The following NTM variants were observed in gnomAD, a reference collection of about 807,000 sequenced individuals.
The protein encoded by NTM is IgLON family member 2.
Under a neutral mutation model 42.1 loss-of-function variants are expected in NTM, and 13 were observed. The observed-to-expected ratio is 0.31, with a 90% confidence interval of 0.20 to 0.49. NTM has a LOEUF of 0.49. Ranked by LOEUF, NTM falls within the 20% of genes least tolerant of loss-of-function variation. The pLI is 0.99. For synonymous variants in NTM, 187 were observed against 179.2 expected (o/e 1.04, Z -0.35); for missense variants, 373 against 452.8 (o/e 0.82, Z 1.60).
At chr11:131,809,190 C>T (rs888307075) in intron 1 of NTM, among the ~76,000 whole-genome samples, 12 of 152,070 alleles carry the variant, frequency 7.9e-5, no homozygotes, top group Non-Finnish European at 1.2e-4. Context: ...TTCTTTAGTC[C>T]CTTCCAGGAT....
intron 1 of NTM, among the ~76,000 whole-genome samples, chr11:131,402,913 AG>A (rs951551586): frequency 6.6e-6 from 1 of 152,176 alleles, no homozygotes; most frequent in African/African-American, 2.4e-5. Flanking sequence ...AAGAAATTTA[AG>A]GGGTGACTTA....
chr11:131,688,059 C>T (rs2074131635), intron 1 of NTM, among the ~76,000 whole-genome samples: 1 of 152,252 alleles, frequency 6.6e-6, no homozygotes, highest in Non-Finnish European at 1.5e-5. Flanking sequence ...CTGCAGCAGG[C>T]TAATAAACCC....
rs888600171 is a variant in NTM at position 131,516,474 on chromosome 11, T to C, written c.82+145586T>C. ...GCTCACGCAATCTCCGCCTCCCGGG[T>C]TCAAGAGATTCTCCTGCCTCAGCCT... On this transcript the variant is annotated intron_variant, in intron 1 of 8. Coordinates refer to ENST00000683400, the MANE Select transcript of NTM (RefSeq NM_001352005.2). Among the ~76,000 whole-genome samples the C allele has an allele frequency of 6.6e-5, 10 of 152,170 alleles. No individual in the cohort carries two copies. In the East Asian group the frequency reaches 1.5e-3, roughly 24 times the overall value.
At position 132,267,702 on chromosome 11, in the gene NTM, G is replaced by C. The variant is rs375798456; in HGVS notation, c.527-39987G>C. Among the ~76,000 whole-genome samples the C allele has an allele frequency of 4.6e-5, 7 of 152,056 alleles. 1 individual carries two copies. The East Asian group carries it at 1.2e-3, about 25-fold the overall frequency. On this transcript the variant is annotated intron_variant, in intron 4 of 8. Transcript: ENST00000683400. ...ATGGTGGCAGGTGCCTCTAATCCCA[G>C]CTGAGGTGGGAGAATTGCTTGAACT...
intron 1 of NTM, among the ~76,000 whole-genome samples, chr11:131,832,912 G>A (rs2043002318): frequency 6.6e-6 from 1 of 152,174 alleles, no homozygotes; most frequent in African/African-American, 2.4e-5. Flanking sequence ...AGGCTGCTCT[G>A]TTGTAAGGTA....
chr11:131,543,972 G>A (rs138032419), intron 1 of NTM, among the ~76,000 whole-genome samples: 7 of 152,156 alleles, frequency 4.6e-5, no homozygotes, highest in South Asian at 2.1e-4. Context: ...GTGGCCTCTC[G>A]TCTCTTCCCA....
intron 1 of NTM, among the ~76,000 whole-genome samples, chr11:131,788,907 C>T (rs1382635349): frequency 6.6e-6 from 1 of 152,156 alleles, no homozygotes; most frequent in Non-Finnish European, 1.5e-5. Context: ...AAGATAGGCG[C>T]TTACTTCTCA....
intron 1 of NTM, among the ~76,000 whole-genome samples, chr11:131,542,771 G>C (rs572242352): frequency 6.6e-6 from 1 of 152,152 alleles, no homozygotes; most frequent in South Asian, 2.1e-4. Context: ...TGAAAACCAG[G>C]GAGGGAGGGA....
At chr11:132,098,243 G>T (rs2061249929) in intron 2 of NTM, among the ~76,000 whole-genome samples, 1 of 151,428 alleles carries the variant, frequency 6.6e-6, no homozygotes, top group Non-Finnish European at 1.5e-5. Context: ...CTTTGTGCAT[G>T]AAAGAACATG....
chr11:131,460,059 G>A (rs1951234722), intron 1 of NTM, among the ~76,000 whole-genome samples: 1 of 152,188 alleles, frequency 6.6e-6, no homozygotes, highest in Non-Finnish European at 1.5e-5. Flanking sequence ...GTTAGTGTGT[G>A]TAATTTCCCG....
At chr11:131,971,936 G>C (rs566619551) in intron 2 of NTM, among the ~76,000 whole-genome samples, 3 of 151,616 alleles carry the variant, frequency 2.0e-5, no homozygotes, top group Non-Finnish European at 2.9e-5. Flanking sequence ...GTCCCAGCTT[G>C]GGAGGCTGAG....
chr11:131,473,800 G>T lies in NTM; in HGVS notation c.82+102912G>T, dbSNP rs575235614. On this transcript the variant is annotated intron_variant, in intron 1 of 8. Transcript: ENST00000683400. Reference sequence around the variant, plus strand: ...CAGCTCCAGCCTTCCTTCTCTCAGAGGATGAGGTAGCCCTCTCCCTGCTAA... The same window carrying T: ...CAGCTCCAGCCTTCCTTCTCTCAGATGATGAGGTAGCCCTCTCCCTGCTAA... 9.2e-4 allele frequency among the ~76,000 whole-genome samples: 140 copies of T among 152,236 alleles called. 2 individuals carry two copies. Among genetic ancestry groups the T allele is most frequent in the Non-Finnish European group, 1.8e-3 (120 of 68,014 alleles).
Position 132,003,678 on chromosome 11 carries a change from C to G in NTM, c.167+92030C>G, listed in dbSNP as rs2069961112. ...AAAAGGCTTTTCCTGGTAGGTCTGT[C>G]TGTAGCTCAATCACATGTCCCACAT... On this transcript the variant is annotated intron_variant, in intron 2 of 8. Coordinates refer to ENST00000683400, the MANE Select transcript of NTM (RefSeq NM_001352005.2). This position sits in a 1 kb window ranked among gnomAD's most constrained non-coding sequence, Gnocchi z 6.0. 6.6e-6 allele frequency among the ~76,000 whole-genome samples: 1 copy of G among 151,984 alleles called. No homozygotes were observed. Among genetic ancestry groups the G allele is most frequent in the Non-Finnish European group, 1.5e-5 (1 of 68,012 alleles).
intron 3 of NTM, among the ~76,000 whole-genome samples, chr11:132,188,344 A>C (rs2078761782): frequency 6.6e-6 from 1 of 152,192 alleles, no homozygotes; most frequent in East Asian, 1.9e-4. Context: ...CTGAGGGGCC[A>C]GAAACCTGTG....
At chr11:131,529,537 G>A (rs538787814) in intron 1 of NTM, among the ~76,000 whole-genome samples, 3 of 152,166 alleles carry the variant, frequency 2.0e-5, no homozygotes, top group South Asian at 2.1e-4. Context: ...AAGGGCCACC[G>A]GAGTGTCAAG....
At chr11:131,783,956 G>T (rs67381384) in intron 1 of NTM, among the ~76,000 whole-genome samples, 1 of 152,116 alleles carries the variant, frequency 6.6e-6, no homozygotes, top group Non-Finnish European at 1.5e-5. Context: ...CAAATTATCC[G>T]TTTTTTAAAA....
At chr11:131,784,231 G>T (rs894446023) in intron 1 of NTM, among the ~76,000 whole-genome samples, 6 of 152,010 alleles carry the variant, frequency 3.9e-5, no homozygotes, top group African/African-American at 1.5e-4. Context: ...ATAATTTGGT[G>T]GTTTCTTCTA....
At chr11:131,851,512 A>G (rs1384451960) in intron 1 of NTM, among the ~76,000 whole-genome samples, 1 of 150,688 alleles carries the variant, frequency 6.6e-6, no homozygotes, top group Non-Finnish European at 1.5e-5. Context: ...CTATAACATC[A>G]CATGCCCTGG....
At chr11:131,857,597 CT>C (rs1401876909) in intron 1 of NTM, among the ~76,000 whole-genome samples, 1 of 152,114 alleles carries the variant, frequency 6.6e-6, no homozygotes, top group South Asian at 2.1e-4. Context: ...TTGTCTTTTT[CT>C]TTGTAACTCC....
Sources: allele counts gnomAD v4.1 joint callset (sites outside exome capture counted in the v4.1 genomes callset), GRCh38; gene constraint gnomAD v4.1.1; non-coding constraint Gnocchi (gnomAD v3.1); transcripts MANE v1.5; gene names NCBI Gene and HGNC (gene_info 2026-07-23, HGNC 2026-07-21).